The following INTS9 variants were observed in gnomAD, a reference collection of about 807,000 sequenced individuals.
The protein encoded by INTS9 is protein related to CPSF subunits of 74 kDa.
Under a neutral mutation model 79.7 loss-of-function variants are expected in INTS9, and 55 were observed. The ratio of observed to expected loss-of-function variants is 0.69; its 90% CI spans 0.56 to 0.86. The LOEUF (loss-of-function observed/expected upper bound fraction) is 0.86. Ranked by LOEUF, INTS9 falls within the 40% of genes least tolerant of loss-of-function variation. The pLI, the probability that INTS9 is intolerant of heterozygous loss-of-function variation, is 0.00. For missense variants in INTS9, 721 were observed against 831.5 expected, an observed-to-expected ratio of 0.87 and a Z score of 1.64; for synonymous variants, 319 against 325.2, an observed-to-expected ratio of 0.98 and a Z score of 0.20.
In INTS9 at chr8:28,889,815, AAG is replaced by A. The variant is rs1420232907; in HGVS notation, c.9+57_9+58del. 4.4e-6 allele frequency: 7 copies of A among 1,600,596 alleles called. No individual in the cohort carries two copies. The African/African-American group carries it at 8.1e-5, about 18-fold the overall frequency. On this transcript the variant is annotated intron_variant, in intron 1 of 16. Coordinates refer to ENST00000521022, the MANE Select transcript of INTS9 (RefSeq NM_018250.4). Reference sequence around the variant, plus strand: ...GATTCCCTGCCCAACGTAGGAAAAAAAGAGGTCCAAAAGGTTATAGCATCACC... The same window carrying A: ...GATTCCCTGCCCAACGTAGGAAAAAAAGGTCCAAAAGGTTATAGCATCACC...
In INTS9 at chr8:28,859,208, G is replaced by T. The variant is rs562913483; in HGVS notation, c.137+228C>A. Among the ~76,000 whole-genome samples the T allele has an allele frequency of 3.3e-5, 5 of 152,200 alleles. No homozygotes were observed. In the East Asian group the frequency reaches 9.6e-4, roughly 29 times the overall value. On this transcript the variant is annotated intron_variant, in intron 2 of 16. Coordinates refer to ENST00000521022, the MANE Select transcript of INTS9 (RefSeq NM_018250.4). ...CCTCAGTTGTACTGAGCAGTTGCAG[G>T]AACATTTTACAGAAGCTCAGAAGAA...
chr8:28,796,978 G>T (rs549117044), intron 8 of INTS9: 3 of 209,450 alleles, frequency 1.4e-5, no homozygotes, highest in South Asian at 2.2e-4. Context: ...ATTAAAACAA[G>T]GTATCTTGTA....
At chr8:28,812,259 T>C (rs1805193750) in intron 8 of INTS9, 68 bp downstream of exon 8, 1 of 1,489,184 alleles carries the variant, frequency 6.7e-7, no homozygotes. Flanking sequence ...TGATGGTTCC[T>C]TGGATACATT....
chr8:28,785,631 T>C (rs574545781), intron 11 of INTS9, among the ~76,000 whole-genome samples: 2 of 152,358 alleles, frequency 1.3e-5, no homozygotes, highest in East Asian at 3.9e-4. Context: ...CAAAGAGGCC[T>C]GGTTCCTTTT....
chr8:28,784,302 T>G (rs1803462935), intron 11 of INTS9, among the ~76,000 whole-genome samples: 1 of 152,124 alleles, frequency 6.6e-6, no homozygotes, highest in Non-Finnish European at 1.5e-5. Flanking sequence ...GAAAACAAGC[T>G]CTACAGCAAG....
intron 6 of INTS9, among the ~76,000 whole-genome samples, chr8:28,834,581 A>G (rs1274825338): frequency 6.6e-6 from 1 of 151,920 alleles, no homozygotes; most frequent in Non-Finnish European, 1.5e-5. Context: ...TCCAAGACCC[A>G]TCTTAACTGT....
rs1179780869 is a variant in INTS9, at chr8:28,835,353, A to T, written c.427T>A (p.Phe143Ile). 3.1e-6 allele frequency: 5 copies of T among 1,613,754 alleles called. No individual in the cohort carries two copies. In the South Asian group the frequency reaches 3.3e-5, roughly 11 times the overall value. The change falls in exon 6 of 17, where the codon TTC becomes ATC. Residue 143 changes from phenylalanine to isoleucine, a missense_variant. This residue lies in a region of INTS9 where 291 missense variants were observed against 307.0 expected (regional missense o/e 0.95). Transcript: ENST00000521022. ...TGAGCCTTTGGCACTCTTTCAATGA[A>T]ATTCACCAGCTCTTCCATGAGAAGC... The part of the protein sequence containing the change: ...GRLLMEELVN[F>I]IERVPKAQSA...
chr8:28,872,901 A>C (rs1809172820), intron 1 of INTS9, among the ~76,000 whole-genome samples: 1 of 152,176 alleles, frequency 6.6e-6, no homozygotes, highest in Non-Finnish European at 1.5e-5. Flanking sequence ...CTCACACAGA[A>C]GGTATCACTG....
intron 6 of INTS9, among the ~76,000 whole-genome samples, chr8:28,829,312 T>C (rs1223458086): frequency 2.0e-5 from 3 of 152,204 alleles, no homozygotes; most frequent in Non-Finnish European, 4.4e-5. Context: ...GATTCTCCTT[T>C]TCCTTCCCTT....
intron 6 of INTS9, among the ~76,000 whole-genome samples, chr8:28,834,144 C>G (rs1806664857): frequency 6.6e-6 from 1 of 152,160 alleles, no homozygotes; most frequent in Non-Finnish European, 1.5e-5. Flanking sequence ...CTTTTCAATT[C>G]TATCTCAGAA....
intron 7 of INTS9, 142 bp from the exon 8 acceptor site, chr8:28,812,603 G>T: frequency 1.1e-6 from 1 of 895,914 alleles, no homozygotes; most frequent in Non-Finnish European, 1.6e-6. Flanking sequence ...GGGTGCAATG[G>T]CTCACGCCTG....
intron 1 of INTS9, among the ~76,000 whole-genome samples, chr8:28,875,249 G>A (rs138633906): frequency 2.4e-4 from 36 of 152,202 alleles, no homozygotes; most frequent in African/African-American, 8.2e-4. Flanking sequence ...TGGGGGAAAT[G>A]TATCCATTTT....
Position 28,844,803 on chromosome 8 carries a change from G to A in INTS9, c.261+1944C>T, listed in dbSNP as rs1004489193. Among the ~76,000 whole-genome samples the A allele has an allele frequency of 5.3e-5, 8 of 152,182 alleles. No homozygotes were observed. In the East Asian group the frequency reaches 1.2e-3, roughly 22 times the overall value. The stretch of plus-strand genomic sequence containing the variant: ...TGTACTCCAGCCTAGGTGACAGAGC[G>A]AGACTCTGTCTCAAAAAAAAAATTT... On this transcript the variant is annotated intron_variant, in intron 4 of 16. Coordinates refer to ENST00000521022, the MANE Select transcript of INTS9 (RefSeq NM_018250.4).
chr8:28,813,914 C>T (rs1563269012), intron 6 of INTS9, among the ~76,000 whole-genome samples: 1 of 151,970 alleles, frequency 6.6e-6, no homozygotes, highest in Admixed American at 6.6e-5. Context: ...GCGCCCACCA[C>T]CATGCCCGGC....
chr8:28,827,412 G>C (rs1367689532), intron 6 of INTS9, among the ~76,000 whole-genome samples: 1 of 152,194 alleles, frequency 6.6e-6, no homozygotes, highest in East Asian at 1.9e-4. Flanking sequence ...AAGGTGGTAA[G>C]TAAAAAACTG....
At chr8:28,778,735 T>G (rs1803057640) in intron 12 of INTS9, among the ~76,000 whole-genome samples, 1 of 152,210 alleles carries the variant, frequency 6.6e-6, no homozygotes, top group Non-Finnish European at 1.5e-5. Flanking sequence ...GACACTTTGA[T>G]TCCCAGCACA....
intron 15 of INTS9, 144 bp from the exon 16 acceptor site, chr8:28,770,170 G>A: frequency 6.7e-6 from 7 of 1,039,844 alleles, no homozygotes; most frequent in Non-Finnish European, 9.5e-6. Flanking sequence ...CTCGGTTCAG[G>A]TTCCCTGGCT....
At chr8:28,787,761 C>T in intron 11 of INTS9, 68 bp downstream of exon 11, 1 of 1,097,616 alleles carries the variant, frequency 9.1e-7, no homozygotes, top group South Asian at 1.3e-5. Context: ...TAACGACCTG[C>T]TGTCTGCATC....
chr8:28,861,674 C>A (rs1323055843), intron 1 of INTS9, among the ~76,000 whole-genome samples: 3 of 152,318 alleles, frequency 2.0e-5, no homozygotes, highest in African/African-American at 7.2e-5. Context: ...TGTCTTCCTC[C>A]TTAATTCTAA....
Sources: gnomAD v4.1 joint callset for allele counts (sites outside exome capture counted in the v4.1 genomes callset) on GRCh38, gnomAD v4.1.1 for gene constraint, gnomAD v4.1.1 regional missense constraint, MANE v1.5 for transcripts, NCBI Gene and HGNC (gene_info 2026-07-23, HGNC 2026-07-21) for gene names.